Variants in EXOC6 observed in about 807,000 individuals in gnomAD.
EXOC6 encodes exocyst complex component 6.
EXOC6 carries 60 observed loss-of-function variants against 112.5 expected under a neutral mutation model. The observed-to-expected ratio is 0.53, with a 90% CI of 0.43 to 0.66. The LOEUF is 0.66. EXOC6 is among the 30% of genes least tolerant of loss of function. The pLI is 0.00. For synonymous variants in EXOC6, 295 were observed against 308.0 expected (o/e 0.96, Z 0.44); for missense variants, 855 against 957.1 (o/e 0.89, Z 1.41).
At chr10:92,920,102 A>G in intron 8 of EXOC6, 52 bp downstream of exon 8, 1 of 1,190,366 alleles carries the variant, frequency 8.4e-7, no homozygotes, top group African/African-American at 1.6e-5. Context: ...TTTAAAAGGC[A>G]TGTATGTATT....
At chr10:92,829,506 A>C (rs973623606) in intron 1 of EXOC6, among the ~76,000 whole-genome samples, 11 of 152,288 alleles carry the variant, frequency 7.2e-5, no homozygotes, top group South Asian at 2.1e-4. Context: ...CCAGACAACA[A>C]CACCACTTCA....
intron 20 of EXOC6, among the ~76,000 whole-genome samples, chr10:93,040,259 C>CT (rs1030444742): frequency 6.6e-6 from 1 of 151,922 alleles, no homozygotes; most frequent in Non-Finnish European, 1.5e-5. Context: ...TTATCCTTTT[C>CT]TTTTTTTTGA....
At chr10:92,884,350 G>GT (rs950903514) in intron 1 of EXOC6, among the ~76,000 whole-genome samples, 2 of 152,110 alleles carry the variant, frequency 1.3e-5, no homozygotes, top group Non-Finnish European at 2.9e-5. Context: ...GCTAGTTTTT[G>GT]TTTTTTCTTA....
intron 18 of EXOC6, among the ~76,000 whole-genome samples, chr10:92,995,761 G>T (rs1843456301): frequency 6.6e-6 from 1 of 151,952 alleles, no homozygotes; most frequent in Non-Finnish European, 1.5e-5. Context: ...TTCCTTTTTG[G>T]CAGTTCATCA....
intron 1 of EXOC6, among the ~76,000 whole-genome samples, chr10:92,882,763 C>T (rs936627248): frequency 3.9e-5 from 6 of 152,038 alleles, no homozygotes; most frequent in East Asian, 1.9e-4. Context: ...AAGAGAGTTG[C>T]GGTGTTTCAA....
upstream of EXOC6, chr10:92,848,509 G>T (rs1168431851): frequency 7.9e-7 from 1 of 1,268,738 alleles, no homozygotes; most frequent in Non-Finnish European, 1.0e-6. Flanking sequence ...GCCGCGCCTC[G>T]CTGGCTCCTC....
At chr10:93,031,434 C>T (rs1845265073) in intron 20 of EXOC6, among the ~76,000 whole-genome samples, 1 of 151,182 alleles carries the variant, frequency 6.6e-6, no homozygotes, top group African/African-American at 2.4e-5. Context: ...TATCTGTGTT[C>T]TGATCTAATA....
At chr10:92,832,359 C>A (rs970848708), upstream of EXOC6, among the ~76,000 whole-genome samples, 2 of 152,152 alleles carry the variant, frequency 1.3e-5, no homozygotes, top group Admixed American at 6.5e-5. Context: ...CTCACTGCAA[C>A]CTCCGCCTCC....
chr10:92,987,163 T>G (rs1332637471), intron 18 of EXOC6, among the ~76,000 whole-genome samples: 1 of 152,224 alleles, frequency 6.6e-6, no homozygotes, highest in Non-Finnish European at 1.5e-5. Flanking sequence ...TTGTTAAATA[T>G]TTAGATTCCA....
At chr10:92,870,921 A>G (rs1346581013) in intron 1 of EXOC6, among the ~76,000 whole-genome samples, 5 of 151,936 alleles carry the variant, frequency 3.3e-5, no homozygotes, top group African/African-American at 4.8e-5. Context: ...TGTTGGCCAG[A>G]ATGGTCTCGA....
At chr10:92,963,063 C>A (rs147363988) in intron 17 of EXOC6, among the ~76,000 whole-genome samples, 1 of 152,174 alleles carries the variant, frequency 6.6e-6, no homozygotes, top group South Asian at 2.1e-4. Flanking sequence ...TTGGTATAAA[C>A]CCATGCACAG....
At position 92,915,822 on chromosome 10, in the gene EXOC6, AT is replaced by A. The variant is rs1163765222; in HGVS notation, c.729del (p.Asn243LysfsTer4). The A allele has an allele frequency of 1.0e-5, 16 of 1,534,204 alleles. No homozygotes were observed. Among genetic ancestry groups the A allele is most frequent in the African/African-American group, 1.4e-5 (1 of 69,388 alleles). On this transcript the variant is annotated frameshift_variant, in exon 7 of 22. Transcript: ENST00000260762. LOFTEE classifies it high-confidence loss of function. ...QKQNKMKFGK[N>X]MYINRDRIPE... Reference sequence around the variant, plus strand: ...CAAAATAAAATGAAATTTGGGAAAAATATGTATATAAATCGTGATAGAATTC... The same window carrying A: ...CAAAATAAAATGAAATTTGGGAAAAAATGTATATAAATCGTGATAGAATTC...
rs765132508 is a variant in EXOC6, at chr10:92,999,275, C to T, written c.2095+1660C>T. 161 of 391,848 alleles carry T rather than the reference C, an allele frequency of 4.1e-4. No homozygotes were observed. The Middle Eastern group carries it at 7.2e-3, about 17-fold the overall frequency. 24.3% of individuals were successfully genotyped at this position (391,848 alleles called of 1,614,324 possible). A position where few individuals can be genotyped will look rare whatever the true frequency, so the allele number is the denominator to read the frequency against. On this transcript the variant is annotated intron_variant, in intron 19 of 21. Coordinates refer to ENST00000260762, the MANE Select transcript of EXOC6 (RefSeq NM_019053.6). ...ATGAGGTGTTGCTGTGTTGCCCAGA[C>T]TGGTCTCAAACTCCTGGCCTCAAGT...
intron 14 of EXOC6, among the ~76,000 whole-genome samples, 194 bp downstream of exon 14, chr10:92,948,573 CACTACTACTACTACT>C (rs71028860): frequency 1.1e-4 from 15 of 140,182 alleles, no homozygotes; most frequent in African/African-American, 2.4e-4. Context: ...CTACTACTAC[CACTACTACTACTACT>C]ACTACTACTA....
intron 18 of EXOC6, among the ~76,000 whole-genome samples, chr10:92,981,491 C>T (rs1842823038): frequency 6.6e-6 from 1 of 152,170 alleles, no homozygotes; most frequent in Non-Finnish European, 1.5e-5. Flanking sequence ...ATGTGTTTAT[C>T]ACTAAAGGTA....
intron 1 of EXOC6, among the ~76,000 whole-genome samples, chr10:92,859,605 T>A (rs972036643): frequency 1.3e-5 from 2 of 151,938 alleles, no homozygotes; most frequent in Non-Finnish European, 2.9e-5. Context: ...ACCATAGGAG[T>A]AAGGAAAATA....
intron 18 of EXOC6, among the ~76,000 whole-genome samples, chr10:92,975,947 C>T (rs1392026385): frequency 1.2e-4 from 17 of 138,022 alleles, no homozygotes; most frequent in Middle Eastern, 4.2e-3. Flanking sequence ...CCCGGCCAGC[C>T]GCCCCGTCCG....
chr10:92,852,168 T>A (rs1178908200), intron 1 of EXOC6, among the ~76,000 whole-genome samples: 1 of 152,210 alleles, frequency 6.6e-6, no homozygotes, highest in African/African-American at 2.4e-5. Context: ...ATTATCAAAG[T>A]TCACTTAAGA....
intron 1 of EXOC6, among the ~76,000 whole-genome samples, chr10:92,827,474 CAAAAAAAAAAAAAAAAAA>C (rs60863083): frequency 1.2e-4 from 4 of 33,196 alleles, no homozygotes; most frequent in South Asian, 2.7e-3. Context: ...GCCCTGTTGC[CAAAAAAAAAAAAAAAAAA>C]AAAAAAAAAA....
Sources: gnomAD v4.1 joint callset for allele counts (sites outside exome capture counted in the v4.1 genomes callset) on GRCh38, gnomAD v4.1.1 for gene constraint, MANE v1.5 for transcripts, NCBI Gene and HGNC (gene_info 2026-07-23, HGNC 2026-07-21) for gene names.